Variants in EXOC6B observed in about 807,000 individuals in gnomAD.
EXOC6B encodes the protein exocyst complex component 6B.
EXOC6B carries 54 observed loss-of-function variants against 113.5 expected under a neutral mutation model. That is an observed-to-expected ratio of 0.48 (90% CI 0.38 to 0.60). EXOC6B has a LOEUF of 0.60. EXOC6B is among the 20% of genes least tolerant of loss of function. EXOC6B has a pLI of 0.00. For missense variants in EXOC6B, 797 were observed against 977.5 expected, an observed-to-expected ratio of 0.82 and a Z score of 2.46; for synonymous variants, 357 against 339.0, an observed-to-expected ratio of 1.05 and a Z score of -0.58.
intron 1 of EXOC6B, 47 bp from the exon 2 acceptor site, chr2:72,741,516 A>C (rs373053627): frequency 1.9e-5 from 29 of 1,528,072 alleles, no homozygotes; most frequent in Non-Finnish European, 2.5e-5. Flanking sequence ...TACTTCTAAG[A>C]AGGAAAAACA....
At chr2:72,403,660 C>T (rs1296293692) in intron 18 of EXOC6B, among the ~76,000 whole-genome samples, 2 of 152,178 alleles carry the variant, frequency 1.3e-5, no homozygotes, top group Admixed American at 6.5e-5. Flanking sequence ...TGCCACTGTA[C>T]TGCCCACTAC....
At chr2:72,488,243 G>A (rs1452424229) in intron 16 of EXOC6B, among the ~76,000 whole-genome samples, 2 of 151,492 alleles carry the variant, frequency 1.3e-5, no homozygotes, top group African/African-American at 2.4e-5. Flanking sequence ...CTACTTCCCT[G>A]GTGGCTCCTT....
chr2:72,611,999 G>T (rs1671099188), intron 6 of EXOC6B, among the ~76,000 whole-genome samples: 1 of 152,042 alleles, frequency 6.6e-6, no homozygotes. Flanking sequence ...TTATCATCTT[G>T]GGGCCAGGCG....
chr2:72,558,887 T>TA (rs1250711309), intron 8 of EXOC6B, among the ~76,000 whole-genome samples: 7 of 152,128 alleles, frequency 4.6e-5, no homozygotes, highest in Admixed American at 1.3e-4. Flanking sequence ...AAAGTTTCTG[T>TA]AAAAAAAATC....
intron 18 of EXOC6B, among the ~76,000 whole-genome samples, chr2:72,409,059 T>C (rs1353970403): frequency 2.6e-5 from 4 of 152,100 alleles, no homozygotes; most frequent in Admixed American, 6.5e-5. Flanking sequence ...GGGCAAAGGA[T>C]ATGAACAGAC....
intron 7 of EXOC6B, among the ~76,000 whole-genome samples, chr2:72,560,292 T>C (rs1003891944): frequency 4.0e-5 from 6 of 151,524 alleles, no homozygotes; most frequent in African/African-American, 1.5e-4. Context: ...AATCAGCTGA[T>C]TTATAGGGAT....
intron 18 of EXOC6B, among the ~76,000 whole-genome samples, chr2:72,439,763 G>A (rs2105326449): frequency 6.6e-6 from 1 of 152,300 alleles, no homozygotes; most frequent in East Asian, 1.9e-4. Context: ...AACCCTTGCT[G>A]GAGAGGTGAT....
chr2:72,732,999 T>C, intron 3 of EXOC6B, 72 bp downstream of exon 3: 5 of 1,049,942 alleles, frequency 4.8e-6, no homozygotes, highest in Non-Finnish European at 7.3e-6. Flanking sequence ...AACCACTAAA[T>C]GAATAACATA....
At chr2:72,756,225 A>G (rs1369861113) in intron 1 of EXOC6B, among the ~76,000 whole-genome samples, 1 of 152,194 alleles carries the variant, frequency 6.6e-6, no homozygotes, top group Non-Finnish European at 1.5e-5. Flanking sequence ...GCAGAGTCAT[A>G]GGGAGCTGAA....
intron 6 of EXOC6B, among the ~76,000 whole-genome samples, chr2:72,599,488 C>T (rs1670275036): frequency 6.6e-6 from 1 of 152,092 alleles, no homozygotes; most frequent in African/African-American, 2.4e-5. Flanking sequence ...AGATCAGGAA[C>T]AATACAAGGA....
At chr2:72,399,056 A>G (rs1481369988) in intron 18 of EXOC6B, among the ~76,000 whole-genome samples, 3 of 152,046 alleles carry the variant, frequency 2.0e-5, no homozygotes, top group Non-Finnish European at 4.4e-5. Context: ...CCTGATTAAC[A>G]TATCAACTAT....
At chr2:72,377,565 T>C (rs1438444638) in intron 19 of EXOC6B, among the ~76,000 whole-genome samples, 2 of 152,166 alleles carry the variant, frequency 1.3e-5, no homozygotes, top group African/African-American at 2.4e-5. Flanking sequence ...TGTGACAACA[T>C]GGATGAACCT....
At chr2:72,335,548 G>GCACACACA (rs70963124) in intron 19 of EXOC6B, among the ~76,000 whole-genome samples, 38 of 135,000 alleles carry the variant, frequency 2.8e-4, no homozygotes, top group African/African-American at 1.0e-3. Context: ...CTGCATTATT[G>GCACACACA]CACACACACA....
intron 1 of EXOC6B, among the ~76,000 whole-genome samples, chr2:72,754,724 T>C (rs910454511): frequency 3.3e-5 from 5 of 150,992 alleles, no homozygotes; most frequent in Middle Eastern, 3.4e-3. Context: ...AGGGACCCTC[T>C]AGCCTCCGCC....
In EXOC6B at chr2:72,808,873, C is replaced by T. The variant is rs576609484; in HGVS notation, c.113+16925G>A. Reference sequence around the variant, plus strand: ...TTCCTCAAGCACAGGAGTTCATGACCAGCCTGGGCAACATGGCAAAACCCT... The same window carrying T: ...TTCCTCAAGCACAGGAGTTCATGACTAGCCTGGGCAACATGGCAAAACCCT... On this transcript the variant is annotated intron_variant, in intron 1 of 21. Transcript: ENST00000272427. Among the ~76,000 whole-genome samples, 6 of 152,186 alleles carry T rather than the reference C, an allele frequency of 3.9e-5. 1 individual carries two copies. Among genetic ancestry groups the T allele is most frequent in the Admixed American group, 1.3e-4 (2 of 15,266 alleles).
intron 11 of EXOC6B, among the ~76,000 whole-genome samples, chr2:72,500,604 T>C (rs201695478): frequency 3.0e-5 from 1 of 33,082 alleles, no homozygotes; most frequent in Non-Finnish European, 2.6e-4. Context: ...ATAAAAAACA[T>C]GAGAAATACA....
intron 20 of EXOC6B, among the ~76,000 whole-genome samples, chr2:72,188,613 C>T (rs534291628): frequency 2.0e-5 from 3 of 152,276 alleles, no homozygotes; most frequent in East Asian, 1.9e-4. Context: ...TCTATTTATC[C>T]GTATAGTACT....
chr2:72,422,988 G>A (rs1333247778), intron 18 of EXOC6B, among the ~76,000 whole-genome samples: 7 of 152,118 alleles, frequency 4.6e-5, no homozygotes, highest in South Asian at 2.1e-4. Context: ...CAACCTGCTC[G>A]GGTCCCCTTC....
intron 8 of EXOC6B, among the ~76,000 whole-genome samples, chr2:72,539,592 G>A (rs1017933683): frequency 5.3e-5 from 8 of 152,048 alleles, no homozygotes; most frequent in Non-Finnish European, 1.0e-4. Flanking sequence ...ATGTTTGCTG[G>A]CTTTCCTTGT....
Sources: gnomAD v4.1 joint callset for allele counts (sites outside exome capture counted in the v4.1 genomes callset) on GRCh38, gnomAD v4.1.1 for gene constraint, MANE v1.5 for transcripts, NCBI Gene and HGNC (gene_info 2026-07-23, HGNC 2026-07-21) for gene names.